Variants in IPO9 observed in about 807,000 individuals in gnomAD.
IPO9 encodes the protein importin 9.
Under a neutral mutation model 128.6 loss-of-function variants are expected in IPO9, and 28 were observed. The observed-to-expected ratio is 0.22, with a 90% CI of 0.16 to 0.30. The LOEUF (loss-of-function observed/expected upper bound fraction) is 0.30. Among genes scored for constraint, IPO9 ranks in the 10% least tolerant of loss-of-function variants. The pLI, the probability that IPO9 is intolerant of heterozygous loss-of-function variation, is 1.00. For synonymous variants in IPO9, 455 were observed against 475.8 expected (o/e 0.96, Z 0.57); for missense variants, 935 against 1,293.9 (o/e 0.72, Z 4.26).
intron 3 of IPO9, among the ~76,000 whole-genome samples, chr1:201,847,891 T>C (rs913064784): frequency 1.3e-5 from 2 of 152,224 alleles, no homozygotes; most frequent in Non-Finnish European, 2.9e-5. Context: ...AGCCTCAATT[T>C]CCTAAATCTC....
At chr1:201,830,952 G>A (rs1329311768) in intron 1 of IPO9, among the ~76,000 whole-genome samples, 1 of 152,214 alleles carries the variant, frequency 6.6e-6, no homozygotes, top group African/African-American at 2.4e-5. Flanking sequence ...TCTGGGCAAA[G>A]TCAATTATAA....
Position 201,875,981 on chromosome 1 carries a change from A to C in IPO9, c.3053A>C (p.Gln1018Pro). The change falls in exon 24 of 24, where the codon CAG (glutamine) becomes CCG (proline). Residue 1018 changes from glutamine (Q) to proline (P), a missense_variant. By Grantham distance (76) the Gln-to-Pro change is moderately conservative. Coordinates refer to ENST00000361565, the MANE Select transcript of IPO9 (RefSeq NM_018085.5). ...LTDFLCQFAQ[Q>P]PCYIMFSGHL... Reference sequence around the variant, plus strand: ...GATTTCCTCTGCCAGTTTGCTCAGCAGCCCTGCTACATAATGTTTTCAGGC... The same window carrying C: ...GATTTCCTCTGCCAGTTTGCTCAGCCGCCCTGCTACATAATGTTTTCAGGC... The C allele has an allele frequency of 6.2e-7, 1 of 1,613,894 alleles. No homozygotes were observed. Among genetic ancestry groups the C allele is most frequent in the Non-Finnish European group, 8.5e-7 (1 of 1,179,722 alleles).
intron 1 of IPO9, among the ~76,000 whole-genome samples, chr1:201,831,391 A>G (rs1679830337): frequency 6.6e-6 from 1 of 152,090 alleles, no homozygotes; most frequent in African/African-American, 2.4e-5. Context: ...ATTTGGTTAG[A>G]GGGTTGGATC....
Position 201,858,573 on chromosome 1 carries a change from T to G in IPO9, c.1328+20T>G, listed in dbSNP as rs772763609. 10 of 1,359,834 alleles carry G rather than the reference T, an allele frequency of 7.4e-6. No individual in the cohort carries two copies. The highest frequency in any genetic ancestry group is 4.6e-5 in the Admixed American group (2 of 43,062). The allele number at this position is 1,359,834 out of a possible 1,614,324, so 84.2% of individuals were successfully genotyped here. On this transcript the variant is annotated intron_variant, in intron 12 of 23. Coordinates refer to ENST00000361565, the MANE Select transcript of IPO9 (RefSeq NM_018085.5). ...GCACTGGTAAGAGTGAGCCGCTAAT[T>G]GGTTAAGATGCTTTTGTTTACCCCT...
In IPO9 at chr1:201,868,774, A is replaced by G; in HGVS notation, c.1982A>G (p.Lys661Arg). The change falls in exon 16 of 24, where the codon AAG becomes AGG. Residue 661 changes from lysine (K) to arginine (R), a missense_variant. By Grantham distance (26) the Lys-to-Arg change is conservative. Transcript: ENST00000361565. ...LVSIMQAPAD[K>R]IPAGLCATAI... ...AGCATAATGCAGGCCCCAGCAGACA[A>G]GATTCCTGCAGGGCTTTGTGCGGTA... 6.2e-7 allele frequency: 1 copy of G among 1,612,856 alleles called. No individual in the cohort carries two copies. Among genetic ancestry groups the G allele is most frequent in the Non-Finnish European group, 8.5e-7 (1 of 1,179,660 alleles).
intron 1 of IPO9, among the ~76,000 whole-genome samples, chr1:201,833,544 G>T (rs1224378535): frequency 6.6e-6 from 1 of 152,112 alleles, no homozygotes; most frequent in Admixed American, 6.6e-5. Flanking sequence ...TGGCTGGAAT[G>T]ATTTTCTTGA....
At chr1:201,833,170 C>T (rs1263976199) in intron 1 of IPO9, among the ~76,000 whole-genome samples, 4 of 151,464 alleles carry the variant, frequency 2.6e-5, no homozygotes, top group East Asian at 1.9e-4. Context: ...ATTCATGTAG[C>T]GTGTCAATCT....
At position 201,881,667 on chromosome 1, in the gene IPO9, TA is replaced by T. The variant is rs1317625643; in HGVS notation, c.*5616del. 3 of 152,192 alleles carry T rather than the reference TA, an allele frequency of 2.0e-5. No homozygotes were observed. Among genetic ancestry groups the T allele is most frequent in the Non-Finnish European group, 2.9e-5 (2 of 68,038 alleles). The allele number at this position is 152,192 out of a possible 1,614,324, so 9.4% of individuals were successfully genotyped here. A position where few individuals can be genotyped will look rare whatever the true frequency, so the allele number is the denominator to read the frequency against. Reference sequence around the variant, plus strand: ...AGAATGGGAGACTACCCAAGATAACTAAACAGGGAAGTGATCAGGTTTTGTG... The same window carrying T: ...AGAATGGGAGACTACCCAAGATAACTAACAGGGAAGTGATCAGGTTTTGTG... On this transcript the variant is annotated 3_prime_UTR_variant, in exon 24 of 24. Coordinates refer to ENST00000361565, the MANE Select transcript of IPO9 (RefSeq NM_018085.5).
At chr1:201,831,983 C>T (rs1489707278) in intron 1 of IPO9, among the ~76,000 whole-genome samples, 2 of 151,932 alleles carry the variant, frequency 1.3e-5, no homozygotes, top group Non-Finnish European at 1.5e-5. Flanking sequence ...CTCACTGCAA[C>T]CTCCGCCTCC....
At chr1:201,850,091 G>T (rs1265160033) in intron 4 of IPO9, among the ~76,000 whole-genome samples, 1 of 152,150 alleles carries the variant, frequency 6.6e-6, no homozygotes, top group Non-Finnish European at 1.5e-5. Context: ...TCTTGATTTG[G>T]ATGCTGAAGA....
chr1:201,845,711 C>CT (rs1224453727), intron 1 of IPO9, among the ~76,000 whole-genome samples: 1 of 152,108 alleles, frequency 6.6e-6, no homozygotes, highest in Non-Finnish European at 1.5e-5. Flanking sequence ...ATATTTTCCT[C>CT]TTTTTTTCAC....
intron 13 of IPO9, among the ~76,000 whole-genome samples, chr1:201,862,156 A>G (rs1437160211): frequency 2.0e-5 from 3 of 152,176 alleles, no homozygotes; most frequent in Non-Finnish European, 4.4e-5. Context: ...GCTATAATTT[A>G]TGTTTTAAGA....
At chr1:201,854,946 G>A in intron 8 of IPO9, 23 bp downstream of exon 8, 1 of 1,558,348 alleles carries the variant, frequency 6.4e-7, no homozygotes, top group Non-Finnish European at 8.7e-7. Flanking sequence ...GAAAGTTTAA[G>A]GGAGCTACTA....
chr1:201,863,333 CAG>C (rs1417291418), intron 13 of IPO9, 113 bp from the exon 14 acceptor site: 1 of 1,030,060 alleles, frequency 9.7e-7, no homozygotes, highest in East Asian at 2.6e-5. Context: ...TCCTGGGTGA[CAG>C]AGTGAGACTC....
chr1:201,845,620 CAT>C (rs1680112543), intron 1 of IPO9, among the ~76,000 whole-genome samples: 2 of 152,234 alleles, frequency 1.3e-5, no homozygotes, highest in African/African-American at 4.8e-5. Context: ...CAAAAAGAAA[CAT>C]AAAATTAAAT....
Position 201,878,090 on chromosome 1 carries a change from C to G in IPO9, c.*2036C>G, listed in dbSNP as rs1680810329. ...AAGTAGAGTTAAAAGTTTTTACTACCTTTGAGAAGCCTGCGGGCATGTTCA... is the reference window on the plus strand; with the variant it reads ...AAGTAGAGTTAAAAGTTTTTACTACGTTTGAGAAGCCTGCGGGCATGTTCA... On this transcript the variant is annotated 3_prime_UTR_variant, in exon 24 of 24. Transcript: ENST00000361565. 6.6e-6 allele frequency: 1 copy of G among 152,172 alleles called. No individual in the cohort carries two copies. The highest frequency in any genetic ancestry group is 1.5e-5 in the Non-Finnish European group (1 of 68,038). 9.4% of individuals were successfully genotyped at this position (152,172 alleles called of 1,614,324 possible).
chr1:201,829,346 A>G lies in IPO9; in HGVS notation c.137A>G (p.Gln46Arg). The change falls in exon 1 of 24, where the codon CAG (glutamine) becomes CGG (arginine). Residue 46 changes from glutamine (Q) to arginine (R), a missense_variant. Gln to Arg is a conservative substitution (Grantham distance 43). This residue lies in a region of IPO9 where 741 missense variants were observed against 1,019.1 expected (regional missense o/e 0.73). Transcript: ENST00000361565. ...VQEVRAAAEE[Q>R]IKVLEVTEEF... ...GAGGTGCGGGCGGCTGCTGAAGAACAGATTAAGGTGCTGGAGGTGACGGAG... is the reference window on the plus strand; with the variant it reads ...GAGGTGCGGGCGGCTGCTGAAGAACGGATTAAGGTGCTGGAGGTGACGGAG... 6.3e-7 allele frequency: 1 copy of G among 1,584,788 alleles called. No individual in the cohort carries two copies. Among genetic ancestry groups the G allele is most frequent in the Non-Finnish European group, 8.6e-7 (1 of 1,167,174 alleles).
intron 1 of IPO9, among the ~76,000 whole-genome samples, chr1:201,832,655 A>C (rs774098635): frequency 2.0e-5 from 3 of 152,152 alleles, no homozygotes; most frequent in East Asian, 1.9e-4. Flanking sequence ...TTTTGGTTCC[A>C]TGGGGCCCAG....
chr1:201,834,151 TA>T (rs1553288239), intron 1 of IPO9, among the ~76,000 whole-genome samples: 12 of 151,396 alleles, frequency 7.9e-5, no homozygotes, highest in African/African-American at 2.7e-4. Context: ...CTAAATAGGG[TA>T]AAAAAAATTT....
Sources: allele counts gnomAD v4.1 joint callset (sites outside exome capture counted in the v4.1 genomes callset), GRCh38; gene constraint gnomAD v4.1.1; regional missense constraint gnomAD v4.1.1; transcripts MANE v1.5; gene names NCBI Gene and HGNC (gene_info 2026-07-23, HGNC 2026-07-21).